The following SEC24B variants were observed in gnomAD, a reference collection of about 807,000 sequenced individuals.
SEC24B encodes protein transport protein Sec24B.
SEC24B carries 45 observed loss-of-function variants against 142.8 expected under a neutral mutation model. The ratio of observed to expected loss-of-function variants is 0.32; its 90% confidence interval spans 0.25 to 0.40. The LOEUF (loss-of-function observed/expected upper bound fraction) is 0.40. SEC24B is among the 10% of genes least tolerant of loss of function. The probability of loss-of-function intolerance (pLI) is 1.00; values close to 1 mark genes in which losing one functional copy is unlikely to be tolerated. For missense variants in SEC24B, 1,409 were observed against 1,526.8 expected (o/e 0.92, Z 1.29); for synonymous variants, 574 against 568.2 (o/e 1.01, Z -0.15).
chr4:109,497,842 A>G (rs1735688230), intron 6 of SEC24B, among the ~76,000 whole-genome samples: 1 of 152,076 alleles, frequency 6.6e-6, no homozygotes, highest in Non-Finnish European at 1.5e-5. Context: ...CTGGATATTC[A>G]TTTTTCAACT....
chr4:109,447,717 A>T (rs1431411365), intron 1 of SEC24B, among the ~76,000 whole-genome samples: 1 of 152,090 alleles, frequency 6.6e-6, no homozygotes, highest in Non-Finnish European at 1.5e-5. Flanking sequence ...ATAAAGCAGG[A>T]GTGGTAAGCA....
rs746882113 is a variant in SEC24B, at chr4:109,441,458, C to T, written c.133+7456C>T. On this transcript the variant is annotated intron_variant, in intron 1 of 23. Transcript: ENST00000265175. ...TTTCTTTCTGTATTTTGAGACAGGG[C>T]CTCACTTTGTCACCCAGGCTGGAGT... Among the ~76,000 whole-genome samples the T allele has an allele frequency of 2.0e-5, 3 of 152,248 alleles. No homozygotes were observed. In the South Asian group the frequency reaches 6.2e-4, roughly 32 times the overall value.
At chr4:109,526,688 A>G (rs1400665684) in intron 17 of SEC24B, among the ~76,000 whole-genome samples, 4 of 152,196 alleles carry the variant, frequency 2.6e-5, no homozygotes, top group African/African-American at 9.7e-5. Flanking sequence ...TCTTGCCCCA[A>G]AAAGTAAAAA....
At chr4:109,477,165 A>G (rs1207619313) in intron 3 of SEC24B, among the ~76,000 whole-genome samples, 2 of 143,690 alleles carry the variant, frequency 1.4e-5, no homozygotes, top group Non-Finnish European at 3.0e-5. Flanking sequence ...AAAAAAAAAA[A>G]GACCTACAGA....
At chr4:109,477,695 T>C (rs1049192770) in intron 3 of SEC24B, among the ~76,000 whole-genome samples, 7 of 152,112 alleles carry the variant, frequency 4.6e-5, no homozygotes, top group African/African-American at 1.4e-4. Flanking sequence ...ATGGATGATA[T>C]CTCCATATGA....
At chr4:109,466,041 G>A (rs990323864) in intron 2 of SEC24B, among the ~76,000 whole-genome samples, 3 of 151,774 alleles carry the variant, frequency 2.0e-5, no homozygotes, top group South Asian at 2.1e-4. Context: ...TATGACAAAC[G>A]TGCTTCATTT....
chr4:109,511,846 C>A, intron 8 of SEC24B, 111 bp from the exon 9 acceptor site: 1 of 1,090,346 alleles, frequency 9.2e-7, no homozygotes, highest in Non-Finnish European at 1.3e-6. Context: ...CCATATAAAA[C>A]CACATAAAAA....
At chr4:109,482,935 ACTATATAT>A (rs1394543314) in intron 4 of SEC24B, among the ~76,000 whole-genome samples, 7 of 37,534 alleles carry the variant, frequency 1.9e-4, no homozygotes, top group South Asian at 1.1e-3. Flanking sequence ...CCAGGCTTGT[ACTATATAT>A]ATATATATAT....
At chr4:109,459,493 T>A (rs1000469578) in intron 1 of SEC24B, among the ~76,000 whole-genome samples, 3 of 152,236 alleles carry the variant, frequency 2.0e-5, no homozygotes, top group African/African-American at 7.2e-5. Context: ...TTATTAACTT[T>A]AATTACTTTC....
In SEC24B at chr4:109,526,358, T is replaced by C. The variant is rs749100736; in HGVS notation, c.2924T>C (p.Leu975Ser). 2.5e-6 allele frequency: 4 copies of C among 1,613,822 alleles called. No individual in the cohort carries two copies. In the South Asian group the frequency reaches 3.3e-5, roughly 13 times the overall value. The change falls in exon 17 of 24, where the codon TTA (leucine) becomes TCA (serine). Residue 975 changes from leucine (L) to serine (S), a missense_variant. By Grantham distance (145) the Leu-to-Ser change is moderately radical. Coordinates refer to ENST00000265175, the MANE Select transcript of SEC24B (RefSeq NM_006323.5). ...GAAGAAAGTTTAACAGATACTTCCT[T>C]AGTATGTTTTCAAACAGCCCTATTA... ...SIEESLTDTS[L>S]VCFQTALLYT...
In SEC24B at chr4:109,463,004, C is replaced by G. The variant is rs750965388; in HGVS notation, c.237C>G (p.Thr79=). 1 of 1,613,986 alleles carries G rather than the reference C, an allele frequency of 6.2e-7. No individual in the cohort carries two copies. Among genetic ancestry groups the G allele is most frequent in the African/African-American group, 1.3e-5 (1 of 74,902 alleles). Residue 79 remains threonine (T), a synonymous_variant, in exon 2 of 24, where the codon ACC becomes ACG. Transcript: ENST00000265175. ...GHYSQGPGKM[T]SLPLDTQCGD... Reference sequence around the variant, plus strand: ...ACTCTCAAGGACCTGGGAAAATGACCTCATTGCCATTGGATACCCAGTGTG... The same window carrying G: ...ACTCTCAAGGACCTGGGAAAATGACGTCATTGCCATTGGATACCCAGTGTG...
Position 109,527,407 on chromosome 4 carries a change from T to C in SEC24B, c.3051T>C (p.Ala1017=). The change falls in exon 18 of 24, where the codon GCT becomes GCC. Residue 1017 remains alanine, a synonymous_variant. Coordinates refer to ENST00000265175, the MANE Select transcript of SEC24B (RefSeq NM_006323.5). ...ADVYAGVDVQ[A]AICLLANMAV... is the part of the protein sequence containing the mutation. ...TATATGCGGGAGTGGATGTACAAGC[T>C]GCCATCTGCCTTCTGGCAAACATGG... 1 of 1,612,416 alleles carries C rather than the reference T, an allele frequency of 6.2e-7. No homozygotes were observed.
intron 6 of SEC24B, among the ~76,000 whole-genome samples, chr4:109,499,644 T>G (rs2126020743): frequency 6.6e-6 from 1 of 152,348 alleles, no homozygotes; most frequent in Non-Finnish European, 1.5e-5. Context: ...TGTCAACTAT[T>G]GACTTTGTAG....
In SEC24B at chr4:109,521,609, C is replaced by A. The variant is rs1218361143; in HGVS notation, c.2491C>A (p.Gln831Lys). 1 of 1,612,148 alleles carries A rather than the reference C, an allele frequency of 6.2e-7. No homozygotes were observed. Among genetic ancestry groups the A allele is most frequent in the Non-Finnish European group, 8.5e-7 (1 of 1,178,690 alleles). Reference protein sequence around the residue: ...GLLQSREDPNQRSSTKVVQHL... With the variant: ...GLLQSREDPNKRSSTKVVQHL... Reference sequence around the variant, plus strand: ...TCTGCAATCCAGAGAAGATCCTAATCAGAGATCAAGTACAAAGGTATTTTA... The same window carrying A: ...TCTGCAATCCAGAGAAGATCCTAATAAGAGATCAAGTACAAAGGTATTTTA... The change falls in exon 14 of 24, where the codon CAG becomes AAG. Residue 831 changes from glutamine to lysine, a missense_variant. Coordinates refer to ENST00000265175, the MANE Select transcript of SEC24B (RefSeq NM_006323.5).
chr4:109,500,255 A>T (rs1007128145), intron 6 of SEC24B, among the ~76,000 whole-genome samples: 3 of 152,160 alleles, frequency 2.0e-5, no homozygotes, highest in Non-Finnish European at 4.4e-5. Flanking sequence ...CATTGAAAGT[A>T]GTGACAGGCC....
At chr4:109,488,656 T>G (rs1415771593) in intron 4 of SEC24B, 1 of 161,042 alleles carries the variant, frequency 6.2e-6, no homozygotes, top group Non-Finnish European at 1.5e-5. Context: ...ATTTAACTTT[T>G]GAGAAACTGC....
At chr4:109,449,524 GC>G in intron 1 of SEC24B, 1 of 455,020 alleles carries the variant, frequency 2.2e-6, no homozygotes, top group Non-Finnish European at 4.4e-6. Context: ...GTGCCACTAC[GC>G]CCAGACATTT....
intron 1 of SEC24B, among the ~76,000 whole-genome samples, chr4:109,436,388 C>T (rs563025636): frequency 6.6e-6 from 1 of 152,218 alleles, no homozygotes; most frequent in South Asian, 2.1e-4. Context: ...TTTAATATAT[C>T]TCTATGGAAT....
chr4:109,482,467 C>T (rs556895174), intron 4 of SEC24B, among the ~76,000 whole-genome samples: 1 of 152,128 alleles, frequency 6.6e-6, no homozygotes, highest in East Asian at 1.9e-4. Context: ...TGCTTGGGGC[C>T]AGAGTGTTTC....
Sources: gnomAD v4.1 joint callset for allele counts (sites outside exome capture counted in the v4.1 genomes callset) on GRCh38, gnomAD v4.1.1 for gene constraint, MANE v1.5 for transcripts, NCBI Gene and HGNC (gene_info 2026-07-23, HGNC 2026-07-21) for gene names.